PPM1A: variants seen among roughly 807,000 people sequenced by gnomAD.
PPM1A encodes the protein protein phosphatase 1A.
PPM1A carries 7 observed loss-of-function variants against 35.0 expected under a neutral mutation model. That is an observed-to-expected ratio of 0.20 (90% CI 0.11 to 0.38). PPM1A has a LOEUF of 0.38. PPM1A is among the 10% of genes least tolerant of loss of function. The pLI is 1.00. For missense variants in PPM1A, 239 were observed against 467.8 expected, an observed-to-expected ratio of 0.51 and a Z score of 4.51; for synonymous variants, 153 against 167.3, an observed-to-expected ratio of 0.91 and a Z score of 0.66.
At position 60,249,546 on chromosome 14, in the gene PPM1A, C is replaced by G; in HGVS notation, c.-152C>G. 3.0e-6 allele frequency: 3 copies of G among 985,112 alleles called. No homozygotes were observed. The highest frequency in any genetic ancestry group is 3.6e-6 in the Non-Finnish European group (3 of 829,410). 61.0% of individuals were successfully genotyped at this position (985,112 alleles called of 1,614,324 possible). A position where few individuals can be genotyped will look rare whatever the true frequency, so the allele number is the denominator to read the frequency against. On this transcript the variant is annotated 5_prime_UTR_variant, in exon 1 of 6. Coordinates refer to ENST00000395076, the MANE Select transcript of PPM1A (RefSeq NM_021003.5). The surrounding 1 kb of genome is among the most constrained non-coding windows in gnomAD (Gnocchi z 4.5). ...TCCCCTCCTCCGCCCCTTCCCCAGCCTGACCTGGCCCGCCGCTGCAGCGGT... is the reference window on the plus strand; with the variant it reads ...TCCCCTCCTCCGCCCCTTCCCCAGCGTGACCTGGCCCGCCGCTGCAGCGGT...
At chr14:60,270,928 T>C (rs1413524503) in intron 1 of PPM1A, among the ~76,000 whole-genome samples, 1 of 152,250 alleles carries the variant, frequency 6.6e-6, no homozygotes, top group South Asian at 2.1e-4. Context: ...ATTCTGCTAA[T>C]TTCCATGGCT....
chr14:60,277,165 A>G (rs928851915), intron 1 of PPM1A: 27 of 427,560 alleles, frequency 6.3e-5, no homozygotes, highest in African/African-American at 4.9e-4. Flanking sequence ...GGGATTTACT[A>G]TTTATGGATA....
At chr14:60,255,327 A>G (rs917026864) in intron 1 of PPM1A, among the ~76,000 whole-genome samples, 3 of 150,190 alleles carry the variant, frequency 2.0e-5, no homozygotes, top group Non-Finnish European at 4.4e-5. Context: ...GCCCGCTACC[A>G]CGCCCGGCTA....
intron 1 of PPM1A, among the ~76,000 whole-genome samples, chr14:60,254,689 A>G (rs1882843385): frequency 6.6e-6 from 1 of 152,154 alleles, no homozygotes; most frequent in African/African-American, 2.4e-5. Context: ...ACTACTGCAG[A>G]CCCAAACCAA....
rs767187097 is a variant in PPM1A at position 60,268,941 on chromosome 14, C to CTT, written c.-20-13730_-20-13729dup. Among the ~76,000 whole-genome samples the CTT allele has an allele frequency of 4.5e-3, 582 of 128,630 alleles. 8 individuals carry two copies. The highest frequency in any genetic ancestry group is 0.015 in the African/African-American group (541 of 35,220). The allele number at this position is 128,630 out of a possible 152,430, so 84.4% of individuals were successfully genotyped here. A position where few individuals can be genotyped will look rare whatever the true frequency, so the allele number is the denominator to read the frequency against. On this transcript the variant is annotated intron_variant, in intron 1 of 5. Transcript: ENST00000395076. The stretch of plus-strand genomic sequence containing the variant: ...ATGTGTCATTTCATTATTTCATTTT[C>CTT]TTTTTTTTTTTTTTGGTCTGTGGGG...
upstream of PPM1A, among the ~76,000 whole-genome samples, chr14:60,247,763 A>G (rs1181087753): frequency 6.6e-6 from 1 of 152,202 alleles, no homozygotes; most frequent in African/African-American, 2.4e-5. Flanking sequence ...GAAAGAATAA[A>G]TAGGTTGCTT....
intron 1 of PPM1A, among the ~76,000 whole-genome samples, chr14:60,266,624 C>G (rs1884412854): frequency 6.6e-6 from 1 of 152,168 alleles, no homozygotes; most frequent in Non-Finnish European, 1.5e-5. Flanking sequence ...TTGAATCTCT[C>G]TGTTCCCAGA....
intron 1 of PPM1A, among the ~76,000 whole-genome samples, chr14:60,256,549 T>C (rs2882499): frequency 0.38 from 57,929 of 152,152 alleles, 12,454 homozygotes; most frequent in African/African-American, 0.59. Context: ...ACAATGCTAA[T>C]GAGACCTCTT....
At chr14:60,252,689 T>TG (rs2139321964) in intron 1 of PPM1A, among the ~76,000 whole-genome samples, 1 of 152,330 alleles carries the variant, frequency 6.6e-6, no homozygotes, top group Non-Finnish European at 1.5e-5. Context: ...TTAACTGACC[T>TG]GGGATTATTA....
In PPM1A at chr14:60,293,088, C is replaced by T. The variant is rs1366869866; in HGVS notation, c.*606C>T. 3 of 152,110 alleles carry T rather than the reference C, an allele frequency of 2.0e-5. No homozygotes were observed. The highest frequency in any genetic ancestry group is 7.2e-5 in the African/African-American group (3 of 41,416). 9.4% of individuals were successfully genotyped at this position (152,110 alleles called of 1,614,324 possible). On this transcript the variant is annotated 3_prime_UTR_variant, in exon 6 of 6. Coordinates refer to ENST00000395076, the MANE Select transcript of PPM1A (RefSeq NM_021003.5). This position sits in a 1 kb window ranked among gnomAD's most constrained non-coding sequence, Gnocchi z 4.0. Reference sequence around the variant, plus strand: ...CCAGTCCCTTCATTTAACTGTCTTTCAGGATGTTCCTTCGTTGTTTCCATG... The same window carrying T: ...CCAGTCCCTTCATTTAACTGTCTTTTAGGATGTTCCTTCGTTGTTTCCATG...
chr14:60,249,189 C>T, upstream of PPM1A: 1 of 975,206 alleles, frequency 1.0e-6, no homozygotes, highest in Non-Finnish European at 1.2e-6. The surrounding 1 kb of genome is among the most constrained non-coding windows in gnomAD (Gnocchi z 4.5). Context: ...AGGGGCGACG[C>T]GGTCGTGAGC....
chr14:60,291,410 G>A lies in PPM1A; in HGVS notation c.1075G>A (p.Glu359Lys), dbSNP rs779192358. The change falls in exon 5 of 6, where the codon GAA (glutamate) becomes AAA (lysine). Residue 359 changes from glutamate (E) to lysine (K), a missense_variant. Physicochemically the swap from Glu to Lys is moderately conservative, Grantham distance 56. Around this residue, in one of 2 missense-constraint regions of PPM1A, gnomAD observed 64 missense variants for 78.6 expected, o/e 0.81. Coordinates refer to ENST00000395076, the MANE Select transcript of PPM1A (RefSeq NM_021003.5). ...GELASKRNVIEAVYNRLNPYK... is the reference protein window; with the variant it reads ...GELASKRNVIKAVYNRLNPYK... ...TTTTACACTTAGGAGGAATGTTATT[G>A]AAGCCGTTTACAATAGACTGAATCC... 1 of 1,570,534 alleles carries A rather than the reference G, an allele frequency of 6.4e-7. No homozygotes were observed. The highest frequency in any genetic ancestry group is 2.3e-5 in the East Asian group (1 of 42,820).
At chr14:60,246,755 C>G (rs1161873704), upstream of PPM1A, among the ~76,000 whole-genome samples, 1 of 152,114 alleles carries the variant, frequency 6.6e-6, no homozygotes, top group Non-Finnish European at 1.5e-5. Context: ...TCTTATAACC[C>G]ATGAGTTTCC....
intron 1 of PPM1A, among the ~76,000 whole-genome samples, chr14:60,274,652 A>G (rs1002223518): frequency 6.6e-6 from 1 of 151,400 alleles, no homozygotes; most frequent in Non-Finnish European, 1.5e-5. Flanking sequence ...GGGGAGGGTT[A>G]TGAAAGAATT....
At chr14:60,281,304 A>C (rs1008486173) in intron 1 of PPM1A, among the ~76,000 whole-genome samples, 1 of 152,214 alleles carries the variant, frequency 6.6e-6, no homozygotes, top group African/African-American at 2.4e-5. Flanking sequence ...TAGGAGGCAG[A>C]GGAGTAGGCA....
Position 60,285,538 on chromosome 14 carries a change from A to C in PPM1A, c.835-86A>C, listed in dbSNP as rs573222798. On this transcript the variant is annotated intron_variant, in intron 2 of 5. Transcript: ENST00000395076. ...TAACATTTTCACTAGAACAAGTATA[A>C]CTGTAATTGGCACAGCTGTAAAGGT... is the stretch of plus-strand genomic sequence containing the variant. 8 of 1,341,818 alleles carry C rather than the reference A, an allele frequency of 6.0e-6. No individual in the cohort carries two copies. The East Asian group carries it at 1.4e-4, about 23-fold the overall frequency. The allele number at this position is 1,341,818 out of a possible 1,614,324, so 83.1% of individuals were successfully genotyped here.
intron 1 of PPM1A, among the ~76,000 whole-genome samples, chr14:60,255,036 T>C (rs1882891134): frequency 1.3e-5 from 2 of 152,220 alleles, no homozygotes; most frequent in African/African-American, 4.8e-5. Context: ...GCTTTGGTTT[T>C]CTCTTTTAGC....
At chr14:60,286,386 C>T (rs2139563142) in intron 3 of PPM1A, 1 of 985,590 alleles carries the variant, frequency 1.0e-6, no homozygotes, top group East Asian at 1.1e-4. Flanking sequence ...GTATATTTCT[C>T]ATAATTCTGC....
At chr14:60,286,828 T>G in intron 3 of PPM1A, 1 of 983,870 alleles carries the variant, frequency 1.0e-6, no homozygotes, top group Non-Finnish European at 1.2e-6. Context: ...TAGTATGTGT[T>G]TGTACTATTT....
Sources: gnomAD v4.1 joint callset for allele counts (sites outside exome capture counted in the v4.1 genomes callset) on GRCh38, gnomAD v4.1.1 for gene constraint, gnomAD v4.1.1 regional missense constraint, Gnocchi (gnomAD v3.1) non-coding constraint, MANE v1.5 for transcripts, NCBI Gene and HGNC (gene_info 2026-07-23, HGNC 2026-07-21) for gene names.